The following PPP3R1 variants were observed in gnomAD, a reference collection of about 807,000 sequenced individuals.
PPP3R1 encodes the protein calcineurin subunit B type 1.
A neutral mutation model predicts 22.6 loss-of-function variants in PPP3R1; 5 were observed. The observed-to-expected ratio is 0.22, with a 90% CI of 0.12 to 0.46. The LOEUF is 0.46. Among genes scored for constraint, PPP3R1 ranks in the 20% least tolerant of loss-of-function variants. PPP3R1 has a pLI of 0.99. For missense variants in PPP3R1, 61 were observed against 203.2 expected (o/e 0.30, Z 4.25); for synonymous variants, 56 against 65.2 (o/e 0.86, Z 0.68).
chr2:68,246,067 C>CTTTTTTTTTTTTTTTTTTTTTTTT (rs746584723), intron 1 of PPP3R1, among the ~76,000 whole-genome samples: 2 of 73,806 alleles, frequency 2.7e-5, no homozygotes, highest in Non-Finnish European at 4.6e-5. Flanking sequence ...TTCTTTCTTT[C>CTTTTTTTTTTTTTTTTTTTTTTTT]TTTTTTTTTT....
At chr2:68,224,665 G>GAA (rs576436316) in intron 1 of PPP3R1, among the ~76,000 whole-genome samples, 30 of 133,278 alleles carry the variant, frequency 2.3e-4, no homozygotes, top group Middle Eastern at 3.9e-3. Context: ...CTCGTCTCAG[G>GAA]AAAAAAAAAA....
chr2:68,211,131 G>C (rs1347373047), intron 2 of PPP3R1, among the ~76,000 whole-genome samples: 3 of 152,122 alleles, frequency 2.0e-5, no homozygotes, highest in Non-Finnish European at 4.4e-5. Flanking sequence ...TTGCGGCTGG[G>C]CGCGGTGGCT....
intron 1 of PPP3R1, among the ~76,000 whole-genome samples, chr2:68,235,969 G>C (rs1670011818): frequency 6.6e-6 from 1 of 152,088 alleles, no homozygotes; most frequent in South Asian, 2.1e-4. Flanking sequence ...ATGCACTACT[G>C]ACATCTTCAT....
chr2:68,203,526 A>C (rs1177177535), intron 2 of PPP3R1, among the ~76,000 whole-genome samples: 1 of 151,874 alleles, frequency 6.6e-6, no homozygotes, highest in Non-Finnish European at 1.5e-5. Context: ...GCTTGAACCC[A>C]GGAGGCAGAG....
intron 1 of PPP3R1, among the ~76,000 whole-genome samples, chr2:68,251,508 A>G (rs1421425702): frequency 6.6e-6 from 1 of 152,216 alleles, no homozygotes; most frequent in Non-Finnish European, 1.5e-5. Context: ...CGAGCAAAGC[A>G]GCAGCGAACG....
At chr2:68,223,011 A>G (rs1209719125) in intron 1 of PPP3R1, among the ~76,000 whole-genome samples, 1 of 152,234 alleles carries the variant, frequency 6.6e-6, no homozygotes, top group Non-Finnish European at 1.5e-5. Context: ...TACACAAATT[A>G]TTTCAGAAAG....
At chr2:68,203,561 A>C (rs1040577544) in intron 2 of PPP3R1, among the ~76,000 whole-genome samples, 2 of 151,594 alleles carry the variant, frequency 1.3e-5, no homozygotes, top group Admixed American at 1.3e-4. Flanking sequence ...AGATCGCGCC[A>C]TTGCACTCCA....
intron 5 of PPP3R1, among the ~76,000 whole-genome samples, chr2:68,185,005 G>T (rs368556858): frequency 2.6e-5 from 4 of 152,152 alleles, no homozygotes; most frequent in African/African-American, 9.7e-5. Flanking sequence ...TGGATCACAA[G>T]GTCAGAAGAT....
intron 1 of PPP3R1, among the ~76,000 whole-genome samples, chr2:68,229,973 T>C (rs370698811): frequency 0.048 from 6,896 of 143,150 alleles, 261 homozygotes; most frequent in Non-Finnish European, 0.071. Flanking sequence ...TATACACACA[T>C]ACACACACAC....
At chr2:68,231,016 A>C (rs1669885386) in intron 1 of PPP3R1, among the ~76,000 whole-genome samples, 3 of 152,180 alleles carry the variant, frequency 2.0e-5, no homozygotes, top group South Asian at 4.1e-4. Context: ...ACTGTAGCTT[A>C]ATGTCTTTTG....
chr2:68,198,287 GTA>G (rs1558630981), intron 2 of PPP3R1, among the ~76,000 whole-genome samples: 1 of 137,948 alleles, frequency 7.2e-6, no homozygotes, highest in African/African-American at 3.0e-5. Context: ...GCATGTATGT[GTA>G]TACACATGTA....
chr2:68,216,371 T>C (rs1333732003), intron 2 of PPP3R1, among the ~76,000 whole-genome samples: 2 of 152,086 alleles, frequency 1.3e-5, no homozygotes, highest in African/African-American at 2.4e-5. Flanking sequence ...AATTTTATTC[T>C]GAAAGTTTGC....
chr2:68,234,659 G>C (rs1256102672), intron 1 of PPP3R1, among the ~76,000 whole-genome samples: 5 of 152,332 alleles, frequency 3.3e-5, no homozygotes, highest in East Asian at 1.9e-4. Context: ...GGTGAAGACA[G>C]CTGAGGAGTA....
At chr2:68,230,372 T>G (rs1377430171) in intron 1 of PPP3R1, among the ~76,000 whole-genome samples, 2 of 152,248 alleles carry the variant, frequency 1.3e-5, no homozygotes, top group Non-Finnish European at 2.9e-5. Flanking sequence ...TATAATGCTT[T>G]TGCATGTATC....
intron 2 of PPP3R1, among the ~76,000 whole-genome samples, chr2:68,209,086 C>T (rs993190390): frequency 4.0e-5 from 6 of 150,928 alleles, no homozygotes; most frequent in East Asian, 1.9e-4. Context: ...TGGCCGGGCG[C>T]GGTGGCTCAC....
At chr2:68,208,083 G>A (rs1224766389) in intron 2 of PPP3R1, among the ~76,000 whole-genome samples, 2 of 152,294 alleles carry the variant, frequency 1.3e-5, no homozygotes, top group African/African-American at 4.8e-5. Context: ...AACCCAGGAG[G>A]TGGAGGTTGC....
chr2:68,222,222 C>T (rs1159501612), intron 1 of PPP3R1, among the ~76,000 whole-genome samples: 2 of 152,222 alleles, frequency 1.3e-5, no homozygotes, highest in East Asian at 3.9e-4. Flanking sequence ...CAGGATCTTA[C>T]ACTGTAAGAG....
chr2:68,186,788 G>T, intron 4 of PPP3R1, 136 bp from the exon 5 acceptor site: 1 of 869,648 alleles, frequency 1.1e-6, no homozygotes, highest in Non-Finnish European at 1.7e-6. Flanking sequence ...AAATAGAGTT[G>T]TCCTTAGGCA....
rs1346262722 is a variant in PPP3R1 at position 68,252,523 on chromosome 2, C to T, written c.-396G>A. 3.3e-6 allele frequency: 3 copies of T among 917,860 alleles called. No individual in the cohort carries two copies. Among genetic ancestry groups the T allele is most frequent in the Non-Finnish European group, 3.7e-6 (3 of 806,568 alleles). The allele number at this position is 917,860 out of a possible 1,614,324, so 56.9% of individuals were successfully genotyped here. A position where few individuals can be genotyped will look rare whatever the true frequency, so the allele number is the denominator to read the frequency against. ...GCAGCGGCTCGCGCTGACCCGCAACCTCAAGGCACGAAAAAAGGGGAGGGC... is the reference window on the plus strand; with the variant it reads ...GCAGCGGCTCGCGCTGACCCGCAACTTCAAGGCACGAAAAAAGGGGAGGGC... On this transcript the variant is annotated 5_prime_UTR_variant, in exon 1 of 6. Coordinates refer to ENST00000234310, the MANE Select transcript of PPP3R1 (RefSeq NM_000945.4).
Sources: allele counts gnomAD v4.1 joint callset (sites outside exome capture counted in the v4.1 genomes callset), GRCh38; gene constraint gnomAD v4.1.1; transcripts MANE v1.5; gene names NCBI Gene and HGNC (gene_info 2026-07-23, HGNC 2026-07-21).